RBMS3: variants seen among roughly 807,000 people sequenced by gnomAD.
RBMS3 encodes RNA-binding motif, single-stranded-interacting protein 3.
Under a neutral mutation model 66.8 loss-of-function variants are expected in RBMS3, and 27 were observed. The ratio of observed to expected loss-of-function variants is 0.40; its 90% CI spans 0.30 to 0.56. The LOEUF is 0.56. RBMS3 is among the 20% of genes least tolerant of loss of function. The pLI is 0.40. For missense variants in RBMS3, 513 were observed against 549.5 expected, an observed-to-expected ratio of 0.93 and a Z score of 0.66; for synonymous variants, 188 against 183.0, an observed-to-expected ratio of 1.03 and a Z score of -0.22.
intron 12 of RBMS3, among the ~76,000 whole-genome samples, chr3:29,946,228 T>C (rs537869861): frequency 2.8e-4 from 43 of 151,820 alleles, no homozygotes; most frequent in African/African-American, 9.9e-4. Context: ...AGAAATTGAA[T>C]CTGCTTTTCT....
chr3:29,373,922 T>G (rs956742181), intron 1 of RBMS3, among the ~76,000 whole-genome samples: 3 of 152,154 alleles, frequency 2.0e-5, no homozygotes, highest in African/African-American at 7.2e-5. Context: ...GTATCCTGCC[T>G]AGTAAATGTG....
intron 4 of RBMS3, among the ~76,000 whole-genome samples, chr3:29,639,510 T>C (rs1219953122): frequency 6.6e-6 from 1 of 151,650 alleles, no homozygotes; most frequent in Non-Finnish European, 1.5e-5. Flanking sequence ...ATAGTGTTTG[T>C]ACTAAGATGA....
At chr3:29,341,866 A>C (rs1181851001) in intron 1 of RBMS3, among the ~76,000 whole-genome samples, 1 of 152,204 alleles carries the variant, frequency 6.6e-6, no homozygotes, top group Non-Finnish European at 1.5e-5. Flanking sequence ...TATTCTGAAA[A>C]TGTAGAACTG....
chr3:29,971,736 C>T (rs1299948873), intron 12 of RBMS3, among the ~76,000 whole-genome samples: 1 of 152,062 alleles, frequency 6.6e-6, no homozygotes, highest in Non-Finnish European at 1.5e-5. Context: ...CTGCTAAGAG[C>T]TTTAGCAGAG....
At chr3:29,707,532 C>A (rs143352078) in intron 4 of RBMS3, among the ~76,000 whole-genome samples, 1 of 152,088 alleles carries the variant, frequency 6.6e-6, no homozygotes, top group African/African-American at 2.4e-5. Context: ...TAAAAACAAA[C>A]AAAACATCTG....
At chr3:29,292,765 A>G (rs547682722) in intron 1 of RBMS3, among the ~76,000 whole-genome samples, 2 of 151,992 alleles carry the variant, frequency 1.3e-5, no homozygotes, top group South Asian at 4.1e-4. Flanking sequence ...GAGAAAATGA[A>G]CTAAAGAGAA....
intron 4 of RBMS3, among the ~76,000 whole-genome samples, chr3:29,648,714 G>T (rs1576435831): frequency 6.6e-6 from 1 of 150,846 alleles, no homozygotes; most frequent in South Asian, 2.1e-4. Flanking sequence ...GAATTACAGT[G>T]TTTTTTTTTC....
intron 6 of RBMS3, among the ~76,000 whole-genome samples, chr3:29,764,885 T>C (rs1320871445): frequency 6.6e-6 from 1 of 151,972 alleles, no homozygotes; most frequent in East Asian, 1.9e-4. Context: ...TTATGAGTTT[T>C]CTCACTCATT....
At chr3:29,293,453 G>A (rs1399312513) in intron 1 of RBMS3, among the ~76,000 whole-genome samples, 1 of 151,810 alleles carries the variant, frequency 6.6e-6, no homozygotes, top group African/African-American at 2.4e-5. Context: ...TATGGGTGCA[G>A]TCATGCTTAC....
chr3:29,424,279 A>G (rs1429935928), intron 1 of RBMS3, among the ~76,000 whole-genome samples: 3 of 152,228 alleles, frequency 2.0e-5, no homozygotes, highest in Non-Finnish European at 4.4e-5. Flanking sequence ...TTTGCTTCAG[A>G]CAATCTCAAT....
At chr3:29,828,128 C>A (rs565620363) in intron 6 of RBMS3, among the ~76,000 whole-genome samples, 1 of 151,856 alleles carries the variant, frequency 6.6e-6, no homozygotes, top group Admixed American at 6.6e-5. Context: ...TAGCACAGAA[C>A]TGTTCAGCTA....
chr3:29,541,395 G>A (rs1442936538), intron 3 of RBMS3, among the ~76,000 whole-genome samples: 2 of 151,762 alleles, frequency 1.3e-5, no homozygotes, highest in African/African-American at 2.4e-5. Flanking sequence ...CAGTTGCTTA[G>A]GCCTAATGTC....
At chr3:29,834,569 G>T (rs571509191) in intron 6 of RBMS3, among the ~76,000 whole-genome samples, 97 of 152,080 alleles carry the variant, frequency 6.4e-4, no homozygotes, top group South Asian at 1.5e-3. Flanking sequence ...AAAATAGATT[G>T]TTATAACTAA....
chr3:29,553,267 A>G (rs879787243), intron 3 of RBMS3, among the ~76,000 whole-genome samples: 1 of 152,196 alleles, frequency 6.6e-6, no homozygotes, highest in East Asian at 1.9e-4. Flanking sequence ...GTTTCCTGGG[A>G]AACAGGCTAC....
At chr3:29,285,588 AAG>A (rs2032257965) in intron 1 of RBMS3, among the ~76,000 whole-genome samples, 1 of 152,102 alleles carries the variant, frequency 6.6e-6, no homozygotes, top group African/African-American at 2.4e-5. Flanking sequence ...GTCTTGAAGA[AAG>A]AGGTTCAGAC....
At chr3:29,662,619 C>T (rs2050599815) in intron 4 of RBMS3, among the ~76,000 whole-genome samples, 1 of 152,138 alleles carries the variant, frequency 6.6e-6, no homozygotes, top group African/African-American at 2.4e-5. Context: ...TGCTCACACC[C>T]CAAAGTGCTC....
chr3:29,521,742 A>G (rs917938583), intron 3 of RBMS3, among the ~76,000 whole-genome samples: 1 of 151,976 alleles, frequency 6.6e-6, no homozygotes, highest in Non-Finnish European at 1.5e-5. Context: ...CATTATCTTC[A>G]TTTTTCAGTA....
intron 4 of RBMS3, among the ~76,000 whole-genome samples, chr3:29,703,494 C>T (rs1382488687): frequency 6.6e-6 from 1 of 152,190 alleles, no homozygotes; most frequent in Non-Finnish European, 1.5e-5. Flanking sequence ...CGGTTGGGAA[C>T]TTTCTATCTT....
rs760086214 is a variant in RBMS3, at chr3:29,991,111, A to C, written c.1209A>C (p.Thr403=). Residue 403 remains threonine, a synonymous_variant, in exon 14 of 15, where the codon ACA becomes ACC. Coordinates refer to ENST00000383767, the MANE Select transcript of RBMS3 (RefSeq NM_001003793.3). ...EGVVADTSPQ[T]VAPSSQDTSG... ...TTGTTGCTGATACCTCTCCCCAGAC[A>C]GTGGCACCTTCATCCCAGGACACCA... 66 of 1,614,022 alleles carry C rather than the reference A, an allele frequency of 4.1e-5. No homozygotes were observed. The highest frequency in any genetic ancestry group is 6.7e-5 in the Admixed American group (4 of 60,002).
Sources: allele counts gnomAD v4.1 joint callset (sites outside exome capture counted in the v4.1 genomes callset), GRCh38; gene constraint gnomAD v4.1.1; transcripts MANE v1.5; gene names NCBI Gene and HGNC (gene_info 2026-07-23, HGNC 2026-07-21).